P4HA1: variants seen among roughly 807,000 people sequenced by gnomAD.
P4HA1 encodes prolyl 4-hydroxylase subunit alpha-1.
A neutral mutation model predicts 72.8 loss-of-function variants in P4HA1; 24 were observed. The observed-to-expected ratio is 0.33, with a 90% CI of 0.24 to 0.46. The LOEUF (loss-of-function observed/expected upper bound fraction) is 0.46. Ranked by LOEUF, P4HA1 falls within the 20% of genes least tolerant of loss-of-function variation. The pLI is 1.00. For synonymous variants in P4HA1, 201 were observed against 218.8 expected, an observed-to-expected ratio of 0.92 and a Z score of 0.72; for missense variants, 446 against 640.6, an observed-to-expected ratio of 0.70 and a Z score of 3.28.
chr10:73,031,919 C>T (rs1840441641), intron 9 of P4HA1, among the ~76,000 whole-genome samples: 1 of 152,148 alleles, frequency 6.6e-6, no homozygotes, highest in African/African-American at 2.4e-5. Flanking sequence ...TTCCATAGTT[C>T]ATCATTTTAA....
Position 73,030,506 on chromosome 10 carries a change from C to CT in P4HA1, c.1149-137dup, listed in dbSNP as rs556401796. The CT allele has an allele frequency of 2.7e-4, 114 of 421,114 alleles. 2 individuals carry two copies. In the East Asian group the frequency reaches 3.9e-3, roughly 14 times the overall value. 26.1% of individuals were successfully genotyped at this position (421,114 alleles called of 1,614,324 possible). A position where few individuals can be genotyped will look rare whatever the true frequency, so the allele number is the denominator to read the frequency against. ...TGAAGGCATTTAGTTCATTTTCTTG[C>CT]TTAGTATCATCTTTATTAATGGATA... On this transcript the variant is annotated intron_variant, in intron 9 of 14. Transcript: ENST00000394890.
chr10:73,008,166 T>C lies in P4HA1; in HGVS notation c.*56A>G, dbSNP rs1589566840. On this transcript the variant is annotated 3_prime_UTR_variant, in exon 15 of 15. Transcript: ENST00000394890. Reference sequence around the variant, plus strand: ...ACTCCTGAAAGTTAAGACTAGGAAATGTGTATATCAGACACATAAGAGTAC... The same window carrying C: ...ACTCCTGAAAGTTAAGACTAGGAAACGTGTATATCAGACACATAAGAGTAC... 1 of 1,015,526 alleles carries C rather than the reference T, an allele frequency of 9.8e-7. No individual in the cohort carries two copies. The allele number at this position is 1,015,526 out of a possible 1,614,324, so 62.9% of individuals were successfully genotyped here.
intron 14 of P4HA1, among the ~76,000 whole-genome samples, chr10:73,009,066 A>G (rs1589567633): frequency 6.6e-6 from 1 of 152,072 alleles, no homozygotes; most frequent in South Asian, 2.1e-4. Flanking sequence ...ACTCTCTCTC[A>G]CCAACTAGCC....
chr10:73,010,905 A>G, intron 13 of P4HA1, 64 bp downstream of exon 13: 2 of 1,121,492 alleles, frequency 1.8e-6, no homozygotes, highest in Non-Finnish European at 2.7e-6. Context: ...TAGACCATGA[A>G]TACAAGTGCA....
At chr10:73,065,603 G>A (rs1589614824) in intron 5 of P4HA1, 1 of 152,094 alleles carries the variant, frequency 6.6e-6, no homozygotes, top group Non-Finnish European at 1.5e-5. Flanking sequence ...CCAAGAGCTG[G>A]CAAGGATATG....
chr10:73,009,712 C>T, intron 14 of P4HA1, 95 bp downstream of exon 14: 2 of 656,696 alleles, frequency 3.0e-6, no homozygotes, highest in Non-Finnish European at 5.3e-6. Flanking sequence ...TCATATTAAG[C>T]AAACATGGGG....
At chr10:73,038,527 C>T (rs1264441848) in intron 9 of P4HA1, among the ~76,000 whole-genome samples, 1 of 150,934 alleles carries the variant, frequency 6.6e-6, no homozygotes, top group Non-Finnish European at 1.5e-5. Flanking sequence ...TGAATGTTTA[C>T]ATTTCAAAAA....
intron 5 of P4HA1, among the ~76,000 whole-genome samples, chr10:73,055,509 G>A (rs776564042): frequency 1.3e-5 from 2 of 151,998 alleles, no homozygotes; most frequent in East Asian, 1.9e-4. Context: ...TGCCTGGCTC[G>A]GCTACATGAT....
Position 73,072,086 on chromosome 10 carries a change from G to A in P4HA1, c.268C>T (p.Arg90Cys), listed in dbSNP as rs775076866. 9 of 1,612,462 alleles carry A rather than the reference G, an allele frequency of 5.6e-6. No homozygotes were observed. The highest frequency in any genetic ancestry group is 1.7e-5 in the Admixed American group (1 of 60,010). Residue 90 changes from arginine to cysteine, a missense_variant, in exon 4 of 15, where the codon CGT (arginine) becomes TGT (cysteine). Transcript: ENST00000394890. ...HPVNAFKLMK[R>C]LNTEWSELEN... is the part of the protein sequence containing the mutation. ...AACTCACTCCACTCAGTATTCAGAC[G>A]TTTCATTAATTTGAATGCATTTACT... is the stretch of plus-strand genomic sequence containing the variant.
At chr10:73,032,168 T>TCCTACTTCATAGAGCATGTATC (rs1564623408) in intron 9 of P4HA1, among the ~76,000 whole-genome samples, 5 of 152,154 alleles carry the variant, frequency 3.3e-5, no homozygotes, top group African/African-American at 9.7e-5. Context: ...GATAATGTAT[T>TCCTACTTCATAGAGCATGTATC]TCCTACTTCA....
At chr10:73,024,749 C>T (rs1028938534) in intron 10 of P4HA1, among the ~76,000 whole-genome samples, 13 of 151,968 alleles carry the variant, frequency 8.6e-5, no homozygotes, top group Middle Eastern at 3.4e-3. Context: ...GCTAGCAAGA[C>T]TAATAAAGAA....
intron 1 of P4HA1, among the ~76,000 whole-genome samples, chr10:73,077,652 T>C (rs1448900285): frequency 6.6e-6 from 1 of 152,026 alleles, no homozygotes; most frequent in Non-Finnish European, 1.5e-5. Flanking sequence ...AGAATAGTTA[T>C]CAGATCTCTA....
chr10:73,037,350 C>G (rs1010116017), intron 9 of P4HA1, among the ~76,000 whole-genome samples: 2 of 147,430 alleles, frequency 1.4e-5, no homozygotes, highest in African/African-American at 2.5e-5. Context: ...TAAAATACCA[C>G]TAGAATGCGC....
chr10:73,022,264 C>T (rs1840153540), intron 10 of P4HA1, among the ~76,000 whole-genome samples: 2 of 152,112 alleles, frequency 1.3e-5, no homozygotes, highest in Non-Finnish European at 2.9e-5. Flanking sequence ...CTCATACAGG[C>T]GGGTGCCCCT....
chr10:73,027,621 G>C (rs1319620171), intron 10 of P4HA1, among the ~76,000 whole-genome samples: 1 of 115,700 alleles, frequency 8.6e-6, no homozygotes, highest in Non-Finnish European at 1.7e-5. Context: ...AAGGAAGGAA[G>C]GAAAGAAGGG....
intron 1 of P4HA1, among the ~76,000 whole-genome samples, chr10:73,075,743 G>C (rs201837645): frequency 7.6e-6 from 1 of 131,118 alleles, no homozygotes; most frequent in Admixed American, 7.1e-5. Flanking sequence ...TATATATATA[G>C]TGTGTGTGTG....
At chr10:73,049,145 T>C (rs1335195898) in intron 7 of P4HA1, among the ~76,000 whole-genome samples, 1 of 151,716 alleles carries the variant, frequency 6.6e-6, no homozygotes, top group Non-Finnish European at 1.5e-5. Context: ...ATAATGAGTC[T>C]AACAGTGTCA....
rs553512800 is a variant in P4HA1, at chr10:73,076,360, G to GTTTT, written c.-32-1449_-32-1446dup. Among the ~76,000 whole-genome samples, 1,230 of 135,984 alleles carry GTTTT rather than the reference G, an allele frequency of 9.0e-3. 12 individuals carry two copies. Among genetic ancestry groups the GTTTT allele is most frequent in the African/African-American group, 0.025 (926 of 37,744 alleles). 89.2% of individuals were successfully genotyped at this position (135,984 alleles called of 152,430 possible). On this transcript the variant is annotated intron_variant, in intron 1 of 14. Transcript: ENST00000394890. ...AATACAGGTCTGTACCACTGTGCCTGTTTTTTTTTTTTTTTTAAGTTGTAG... is the reference window on the plus strand; with the variant it reads ...AATACAGGTCTGTACCACTGTGCCTGTTTTTTTTTTTTTTTTTTTTAAGTTGTAG...
intron 11 of P4HA1, 37 bp from the exon 12 acceptor site, chr10:73,014,326 A>G: frequency 6.9e-7 from 1 of 1,454,096 alleles, no homozygotes; most frequent in Non-Finnish European, 9.7e-7. Context: ...ATGGTGTAAA[A>G]ATTCAGTAAT....
Sources: allele counts gnomAD v4.1 joint callset (sites outside exome capture counted in the v4.1 genomes callset), GRCh38; gene constraint gnomAD v4.1.1; transcripts MANE v1.5; gene names NCBI Gene and HGNC (gene_info 2026-07-23, HGNC 2026-07-21).